Variants in STK33 observed in about 807,000 individuals in gnomAD.
The protein encoded by STK33 is serine/threonine kinase 33.
In STK33, 52 loss-of-function variants were observed where a neutral mutation model predicts 58.0. The observed-to-expected ratio is 0.90, with a 90% CI of 0.72 to 1.13. The LOEUF (loss-of-function observed/expected upper bound fraction) is 1.13, where lower values mean the gene tolerates loss of function less well. Ranked by LOEUF, STK33 falls within the 50% of genes most tolerant of loss-of-function variation. STK33 has a pLI of 0.00. For missense variants in STK33, 630 were observed against 604.2 expected (o/e 1.04, Z -0.45); for synonymous variants, 215 against 200.1 (o/e 1.07, Z -0.63).
At chr11:8,490,699 C>T (rs1950546411) in intron 1 of STK33, among the ~76,000 whole-genome samples, 1 of 152,096 alleles carries the variant, frequency 6.6e-6, no homozygotes, top group African/African-American at 2.4e-5. Flanking sequence ...AGGCAGGTGC[C>T]CCTCTGGAAC....
At chr11:8,510,539 C>A (rs866816573) in intron 1 of STK33, among the ~76,000 whole-genome samples, 4 of 151,978 alleles carry the variant, frequency 2.6e-5, no homozygotes, top group African/African-American at 9.7e-5. Flanking sequence ...GTTCTCGTTG[C>A]GTTTGCTTTT....
intron 1 of STK33, among the ~76,000 whole-genome samples, chr11:8,528,672 C>A (rs1452619268): frequency 1.3e-5 from 2 of 152,198 alleles, no homozygotes; most frequent in East Asian, 1.9e-4. Flanking sequence ...TTAGTCAATT[C>A]ACGACAGTTA....
At chr11:8,479,511 C>A (rs1949606392) in intron 2 of STK33, among the ~76,000 whole-genome samples, 2 of 152,004 alleles carry the variant, frequency 1.3e-5, no homozygotes, top group Admixed American at 6.5e-5. Flanking sequence ...CTGATTCTTC[C>A]CTGTTGATAT....
At chr11:8,343,146 G>A in the STK33 span, among the ~76,000 whole-genome samples, 14 of 152,386 alleles carry the variant, frequency 9.2e-5, no homozygotes, top group South Asian at 2.1e-4. Context: ...AAATCCAGCC[G>A]GGACAGAGCC....
At chr11:8,481,427 T>C (rs1003313639) in intron 1 of STK33, among the ~76,000 whole-genome samples, 5 of 152,206 alleles carry the variant, frequency 3.3e-5, no homozygotes, top group African/African-American at 1.2e-4. Flanking sequence ...GCAAAAGACG[T>C]CCATTAAGTA....
chr11:8,567,966 C>T (rs1029828020), intron 1 of STK33, among the ~76,000 whole-genome samples: 3 of 152,098 alleles, frequency 2.0e-5, no homozygotes, highest in Non-Finnish European at 4.4e-5. Flanking sequence ...CTAAAAAATG[C>T]CTCCCTACAA....
At chr11:8,591,428 G>A (rs1012694669) in intron 1 of STK33, among the ~76,000 whole-genome samples, 1 of 152,194 alleles carries the variant, frequency 6.6e-6, no homozygotes, top group Non-Finnish European at 1.5e-5. Flanking sequence ...TAAAGGAAAA[G>A]ATTAACAAGC....
Position 8,397,711 on chromosome 11 carries a change from G to GA in STK33, c.1345-5002dup, listed in dbSNP as rs967623433. ...CCATGGCAAAGAAGTTAAAAACCTT[G>GA]AAAAAAAAATAGACAAATGGCAAAC... is the stretch of plus-strand genomic sequence containing the variant. On this transcript the variant is annotated intron_variant, in intron 15 of 15. Transcript: ENST00000687296. 6.6e-5 allele frequency among the ~76,000 whole-genome samples: 10 copies of GA among 151,024 alleles called. No homozygotes were observed. The South Asian group carries it at 8.4e-4, about 13-fold the overall frequency.
intron 14 of STK33, among the ~76,000 whole-genome samples, chr11:8,426,713 A>T (rs976870203): frequency 6.6e-6 from 1 of 150,516 alleles, no homozygotes; most frequent in Non-Finnish European, 1.5e-5. Context: ...GTTGATTTTC[A>T]CTCTTAGTTT....
At chr11:8,502,680 A>G (rs1420344767) in intron 1 of STK33, among the ~76,000 whole-genome samples, 1 of 152,196 alleles carries the variant, frequency 6.6e-6, no homozygotes, top group Non-Finnish European at 1.5e-5. Flanking sequence ...AAAAGAAACT[A>G]ATCAACAGAA....
At chr11:8,369,742 G>T in the STK33 span, among the ~76,000 whole-genome samples, 2 of 152,176 alleles carry the variant, frequency 1.3e-5, no homozygotes, top group Non-Finnish European at 2.9e-5. Flanking sequence ...CTCACTGCTT[G>T]CAAATTCCTG....
At chr11:8,420,994 G>A (rs1427042065) in intron 14 of STK33, among the ~76,000 whole-genome samples, 2 of 149,696 alleles carry the variant, frequency 1.3e-5, no homozygotes, top group Non-Finnish European at 1.5e-5. Flanking sequence ...AAAAAAAAAA[G>A]GGGAGGGGGG....
chr11:8,385,232 T>A, the STK33 span, among the ~76,000 whole-genome samples: 2 of 152,268 alleles, frequency 1.3e-5, no homozygotes, highest in African/African-American at 4.8e-5. Flanking sequence ...GTTCCACTTT[T>A]GTTCCACTTT....
At chr11:8,340,512 A>ACT in the STK33 span, among the ~76,000 whole-genome samples, 5 of 152,088 alleles carry the variant, frequency 3.3e-5, no homozygotes, top group Admixed American at 6.5e-5. Flanking sequence ...CTAGAGGTGG[A>ACT]CTCTTGAACT....
At chr11:8,471,412 T>A (rs1447196682) in intron 6 of STK33, among the ~76,000 whole-genome samples, 1 of 152,188 alleles carries the variant, frequency 6.6e-6, no homozygotes, top group East Asian at 1.9e-4. Flanking sequence ...ATAATGTAGA[T>A]CTATTTTTAC....
At chr11:8,413,824 T>C (rs1376491058) in intron 14 of STK33, 132 bp from the exon 15 acceptor site, 1 of 800,514 alleles carries the variant, frequency 1.2e-6, no homozygotes, top group Non-Finnish European at 1.9e-6. Flanking sequence ...TGAATAAATA[T>C]GAAAACTTCT....
chr11:8,482,165 C>T (rs1006928980), intron 1 of STK33, among the ~76,000 whole-genome samples: 2 of 152,114 alleles, frequency 1.3e-5, no homozygotes, highest in Non-Finnish European at 2.9e-5. Context: ...ATCCCAGACT[C>T]GTAGCCAGAA....
chr11:8,530,836 G>A (rs533093943), intron 1 of STK33, among the ~76,000 whole-genome samples: 52 of 152,156 alleles, frequency 3.4e-4, no homozygotes, highest in Middle Eastern at 3.4e-3. Flanking sequence ...GACCACAGGC[G>A]CCTGCCACCA....
intron 14 of STK33, among the ~76,000 whole-genome samples, chr11:8,422,022 A>T (rs1354315662): frequency 6.6e-6 from 1 of 152,112 alleles, no homozygotes; most frequent in Non-Finnish European, 1.5e-5. Flanking sequence ...TTTAGTCTTC[A>T]GTTGACTAAG....
Sources: gnomAD v4.1 joint callset for allele counts (sites outside exome capture counted in the v4.1 genomes callset) on GRCh38, gnomAD v4.1.1 for gene constraint, MANE v1.5 for transcripts, NCBI Gene and HGNC (gene_info 2026-07-23, HGNC 2026-07-21) for gene names.